The following ESRRG variants were observed in gnomAD, a reference collection of about 807,000 sequenced individuals.
ESRRG encodes estrogen related receptor gamma.
ESRRG carries 13 observed loss-of-function variants against 44.0 expected under a neutral mutation model. The observed-to-expected ratio is 0.30, with a 90% CI of 0.19 to 0.47. ESRRG has a LOEUF of 0.47. Among genes scored for constraint, ESRRG ranks in the 20% least tolerant of loss-of-function variants. ESRRG has a pLI of 1.00. For synonymous variants in ESRRG, 215 were observed against 214.6 expected (o/e 1.00, Z -0.02); for missense variants, 395 against 580.6 (o/e 0.68, Z 3.29).
intron 3 of ESRRG, among the ~76,000 whole-genome samples, chr1:216,594,311 T>C (rs1173188437): frequency 6.6e-6 from 1 of 152,204 alleles, no homozygotes; most frequent in East Asian, 1.9e-4. Flanking sequence ...CAAATATAAA[T>C]ACTCTCATCT....
At chr1:216,822,480 C>T (rs2095318321) in intron 2 of ESRRG, among the ~76,000 whole-genome samples, 1 of 152,098 alleles carries the variant, frequency 6.6e-6, no homozygotes, top group Non-Finnish European at 1.5e-5. Flanking sequence ...AACAAAAATG[C>T]TCACAAATCA....
chr1:216,595,009 C>T (rs914379170), intron 3 of ESRRG, among the ~76,000 whole-genome samples: 8 of 152,146 alleles, frequency 5.3e-5, no homozygotes, highest in Non-Finnish European at 1.2e-4. Context: ...TAGACTATGG[C>T]TAGAGGTGAT....
intron 2 of ESRRG, among the ~76,000 whole-genome samples, chr1:216,651,672 C>T (rs1010163498): frequency 2.0e-5 from 3 of 152,136 alleles, no homozygotes; most frequent in Non-Finnish European, 4.4e-5. Flanking sequence ...TAAATGCTTA[C>T]TGATCATGGT....
chr1:216,664,735 T>C (rs2073468548), intron 2 of ESRRG, among the ~76,000 whole-genome samples: 1 of 148,052 alleles, frequency 6.8e-6, no homozygotes, highest in South Asian at 2.1e-4. Flanking sequence ...CTGAAAAGAA[T>C]ACGAAGAAAT....
chr1:216,699,553 AATG>A (rs2080974883), intron 1 of ESRRG, among the ~76,000 whole-genome samples: 1 of 152,212 alleles, frequency 6.6e-6, no homozygotes, highest in Admixed American at 6.5e-5. Flanking sequence ...AACCTGGAAG[AATG>A]ATAAGTGGCT....
chr1:217,133,638 T>C (rs2092999887), intron 1 of ESRRG, among the ~76,000 whole-genome samples: 1 of 54,002 alleles, frequency 1.9e-5, no homozygotes, highest in South Asian at 7.8e-4. Flanking sequence ...TCTTTCTCTC[T>C]CTCTCTCTCT....
At chr1:217,079,300 T>C (rs2091561215) in intron 1 of ESRRG, among the ~76,000 whole-genome samples, 1 of 152,218 alleles carries the variant, frequency 6.6e-6, no homozygotes, top group African/African-American at 2.4e-5. Context: ...TATTATATGG[T>C]ATTTTTCACT....
chr1:216,570,356 C>T (rs2060553160), intron 3 of ESRRG, among the ~76,000 whole-genome samples: 1 of 152,194 alleles, frequency 6.6e-6, no homozygotes, highest in Non-Finnish European at 1.5e-5. Flanking sequence ...TTTTAAAGCA[C>T]TCCATGCCTA....
intron 1 of ESRRG, among the ~76,000 whole-genome samples, chr1:217,131,313 G>A (rs930926421): frequency 1.3e-5 from 2 of 150,718 alleles, no homozygotes; most frequent in Non-Finnish European, 2.9e-5. Context: ...TAATGACCAG[G>A]TTTATTCCAA....
chr1:216,691,827 G>A lies in ESRRG; in HGVS notation c.57-14336C>T, dbSNP rs191144172. Among the ~76,000 whole-genome samples the A allele has an allele frequency of 2.4e-4, 36 of 152,160 alleles. 1 individual carries two copies. In the East Asian group the frequency reaches 5.4e-3, roughly 23 times the overall value. The stretch of plus-strand genomic sequence containing the variant: ...ACTATCATGCATCATGTAACAACAC[G>A]TCAGTCAACAACAGGTCACAAATAC... On this transcript the variant is annotated intron_variant, in intron 1 of 6. Transcript: ENST00000408911.
intron 2 of ESRRG, among the ~76,000 whole-genome samples, chr1:216,877,379 G>GTTTT (rs72314566): frequency 5.7e-4 from 81 of 141,114 alleles, no homozygotes; most frequent in East Asian, 2.1e-3. Flanking sequence ...TAGGTATGGT[G>GTTTT]TTTTTTTTTG....
At chr1:217,004,746 ATG>A (rs2077501387) in intron 1 of ESRRG, among the ~76,000 whole-genome samples, 1 of 152,226 alleles carries the variant, frequency 6.6e-6, no homozygotes, top group Non-Finnish European at 1.5e-5. Flanking sequence ...TTCTGAAAAT[ATG>A]TATTCTCATG....
chr1:216,658,034 C>A (rs992702564), intron 2 of ESRRG, among the ~76,000 whole-genome samples: 1 of 152,022 alleles, frequency 6.6e-6, no homozygotes, highest in Non-Finnish European at 1.5e-5. Context: ...GAAAAAAGAC[C>A]GGAAGGATAT....
intron 1 of ESRRG, among the ~76,000 whole-genome samples, chr1:217,017,664 T>C (rs2079619384): frequency 6.6e-6 from 1 of 152,130 alleles, no homozygotes; most frequent in South Asian, 2.1e-4. Flanking sequence ...CTCAGTTTTC[T>C]TCATGTGTTT....
At chr1:216,876,323 T>A (rs1217224482) in intron 2 of ESRRG, among the ~76,000 whole-genome samples, 1 of 152,158 alleles carries the variant, frequency 6.6e-6, no homozygotes, top group Non-Finnish European at 1.5e-5. Context: ...GTCACATATA[T>A]AAAGTTATGA....
chr1:217,035,978 C>A (rs1430022867), intron 1 of ESRRG, among the ~76,000 whole-genome samples: 4 of 152,090 alleles, frequency 2.6e-5, no homozygotes, highest in African/African-American at 7.2e-5. Flanking sequence ...AAAAAACCAA[C>A]CTAATTTAAA....
intron 1 of ESRRG, among the ~76,000 whole-genome samples, chr1:216,691,467 G>GT (rs1575376866): frequency 6.6e-6 from 1 of 152,100 alleles, no homozygotes; most frequent in African/African-American, 2.4e-5. Context: ...TTCTGATGTA[G>GT]TAACACCTAG....
intron 3 of ESRRG, among the ~76,000 whole-genome samples, chr1:216,580,908 C>A (rs2062646563): frequency 6.6e-6 from 1 of 152,194 alleles, no homozygotes; most frequent in African/African-American, 2.4e-5. Context: ...TGGCCAAATG[C>A]ATTTCCTTTT....
chr1:216,945,297 T>G (rs11572477), intron 1 of ESRRG, among the ~76,000 whole-genome samples: 4,007 of 152,196 alleles, frequency 0.026, 145 homozygotes, highest in African/African-American at 0.085. Context: ...GTACCTATTT[T>G]CAGAATTTCC....
Sources: gnomAD v4.1 joint callset for allele counts (sites outside exome capture counted in the v4.1 genomes callset) on GRCh38, gnomAD v4.1.1 for gene constraint, MANE v1.5 for transcripts, NCBI Gene and HGNC (gene_info 2026-07-23, HGNC 2026-07-21) for gene names.